The following RNF130 variants were observed in gnomAD, a reference collection of about 807,000 sequenced individuals.
The protein encoded by RNF130 is ring finger protein 130.
RNF130 carries 21 observed loss-of-function variants against 44.6 expected under a neutral mutation model. The observed-to-expected ratio is 0.47, with a 90% CI of 0.33 to 0.68. The LOEUF (loss-of-function observed/expected upper bound fraction) is 0.68, where lower values mean the gene tolerates loss of function less well. Among genes scored for constraint, RNF130 ranks in the 30% least tolerant of loss-of-function variants. RNF130 has a pLI of 0.02. For missense variants in RNF130, 479 were observed against 560.6 expected, an observed-to-expected ratio of 0.85 and a Z score of 1.47; for synonymous variants, 214 against 210.4, an observed-to-expected ratio of 1.02 and a Z score of -0.15.
chr5:180,010,751 G>A (rs980606779), intron 3 of RNF130, among the ~76,000 whole-genome samples: 5 of 152,180 alleles, frequency 3.3e-5, no homozygotes, highest in African/African-American at 1.2e-4. Context: ...GAAGGAGGGA[G>A]GTGGCTGTGG....
chr5:179,978,050 C>T (rs1392921710), intron 5 of RNF130, among the ~76,000 whole-genome samples, 153 bp downstream of exon 5: 3 of 152,240 alleles, frequency 2.0e-5, no homozygotes, highest in Admixed American at 6.5e-5. Flanking sequence ...CCCTGCTGGC[C>T]TCAGCCCCAT....
At chr5:180,051,413 C>A (rs1764686252) in intron 1 of RNF130, among the ~76,000 whole-genome samples, 1 of 151,914 alleles carries the variant, frequency 6.6e-6, no homozygotes, top group African/African-American at 2.4e-5. Context: ...TCACACCTGG[C>A]TAATTTTTTG....
intron 7 of RNF130, chr5:179,963,842 G>A (rs1024940195): frequency 2.0e-5 from 8 of 398,624 alleles, no homozygotes; most frequent in African/African-American, 1.4e-4. Context: ...CAAAAAGTGT[G>A]CGGTGAAAAT....
intron 5 of RNF130, among the ~76,000 whole-genome samples, chr5:179,971,126 T>C (rs774890039): frequency 2.6e-5 from 4 of 152,098 alleles, no homozygotes; most frequent in Non-Finnish European, 5.9e-5. Context: ...TTCAGGCAAG[T>C]AGAAAGTCAC....
intron 1 of RNF130, among the ~76,000 whole-genome samples, chr5:180,056,891 G>A (rs1293013286): frequency 6.6e-6 from 1 of 152,140 alleles, no homozygotes; most frequent in East Asian, 1.9e-4. Flanking sequence ...CTAACATGAT[G>A]TGAGCAAAAG....
At chr5:180,070,503 T>G (rs1180501222) in intron 1 of RNF130, among the ~76,000 whole-genome samples, 1 of 152,190 alleles carries the variant, frequency 6.6e-6, no homozygotes, top group Non-Finnish European at 1.5e-5. Context: ...AAGCAAATCA[T>G]GACTTTATTT....
chr5:180,059,995 G>A (rs769844194), intron 1 of RNF130, among the ~76,000 whole-genome samples: 2 of 152,188 alleles, frequency 1.3e-5, no homozygotes, highest in Non-Finnish European at 2.9e-5. Context: ...TGGGCCCAAT[G>A]TAATCACAAG....
At chr5:179,984,728 A>G (rs1762916338) in intron 3 of RNF130, among the ~76,000 whole-genome samples, 1 of 152,156 alleles carries the variant, frequency 6.6e-6, no homozygotes, top group Non-Finnish European at 1.5e-5. Context: ...TAGTTTTGGT[A>G]TTAGGAATGA....
intron 2 of RNF130, among the ~76,000 whole-genome samples, chr5:180,037,502 C>G (rs979345040): frequency 1.3e-5 from 2 of 152,190 alleles, no homozygotes; most frequent in Non-Finnish European, 2.9e-5. Flanking sequence ...AGTGGAAAAC[C>G]TGGGACTAAA....
Position 180,040,566 on chromosome 5 carries a change from C to T in RNF130, c.329G>A (p.Arg110Lys). 3 of 1,614,200 alleles carry T rather than the reference C, an allele frequency of 1.9e-6. No homozygotes were observed. The highest frequency in any genetic ancestry group is 2.5e-6 in the Non-Finnish European group (3 of 1,180,024). ...TTTCTCTTTAAACGTGCAGTTTCCC[C>T]TCTGCAGCAAGGCAATCCACTGTTT... The part of the protein sequence containing the change: ...NIKQWIALLQ[R>K]GNCTFKEKIS... Residue 110 changes from arginine (R) to lysine (K), a missense_variant, in exon 2 of 9, where the codon AGG becomes AAG. Physicochemically the swap from Arg to Lys is conservative, Grantham distance 26 (BLOSUM62 2). This residue lies in a region of RNF130 where 180 missense variants were observed against 275.1 expected (regional missense o/e 0.65). Transcript: ENST00000521389.
At position 180,019,912 on chromosome 5, in the gene RNF130, G is replaced by A. The variant is rs1428586963; in HGVS notation, c.443-6601C>T. On this transcript the variant is annotated intron_variant, in intron 2 of 8. Transcript: ENST00000521389. The stretch of plus-strand genomic sequence containing the variant: ...GAGTCACGGAACGGTGAACACTCTC[G>A]GACCCAGTGAAACTGTTGGGCAAAG... 7.9e-5 allele frequency among the ~76,000 whole-genome samples: 12 copies of A among 152,156 alleles called. 1 individual carries two copies. The South Asian group carries it at 2.1e-3, about 26-fold the overall frequency.
chr5:179,924,494 G>GAAA (rs35214110), intron 7 of RNF130, among the ~76,000 whole-genome samples: 1 of 132,016 alleles, frequency 7.6e-6, no homozygotes, highest in African/African-American at 2.7e-5. Context: ...AACTCTGTCT[G>GAAA]AAAAAAAAAA....
intron 7 of RNF130, among the ~76,000 whole-genome samples, chr5:179,924,556 G>C (rs1369377805): frequency 1.3e-5 from 2 of 151,548 alleles, no homozygotes; most frequent in African/African-American, 4.9e-5. Flanking sequence ...CCAGCACTTT[G>C]GGAGGCCGAG....
chr5:180,067,919 T>C (rs550662841), intron 1 of RNF130, among the ~76,000 whole-genome samples: 41 of 152,346 alleles, frequency 2.7e-4, no homozygotes, highest in South Asian at 6.2e-4. Flanking sequence ...AAAGGAACCA[T>C]TAAAGGCTTC....
downstream of RNF130, chr5:179,954,943 A>G (rs898742443): frequency 6.6e-6 from 1 of 152,268 alleles, no homozygotes; most frequent in African/African-American, 2.4e-5. Flanking sequence ...AAAGTATTTC[A>G]CCGGCACATG....
chr5:180,024,565 C>A (rs1351149656), intron 2 of RNF130, among the ~76,000 whole-genome samples: 2 of 151,876 alleles, frequency 1.3e-5, no homozygotes, highest in Non-Finnish European at 2.9e-5. Context: ...TCTGTCAACA[C>A]AAAAATTTAT....
chr5:180,017,594 T>C (rs1763770955), intron 2 of RNF130, among the ~76,000 whole-genome samples: 1 of 152,218 alleles, frequency 6.6e-6, no homozygotes, highest in Non-Finnish European at 1.5e-5. Flanking sequence ...ATCAAAGGCA[T>C]TAACAACACT....
downstream of RNF130, among the ~76,000 whole-genome samples, chr5:179,952,715 T>C (rs1045318743): frequency 6.6e-6 from 1 of 152,210 alleles, no homozygotes; most frequent in African/African-American, 2.4e-5. Flanking sequence ...ACCACATTCA[T>C]AGGATAGAAT....
intron 3 of RNF130, among the ~76,000 whole-genome samples, chr5:180,011,481 C>T (rs1304275875): frequency 1.3e-5 from 2 of 152,126 alleles, no homozygotes; most frequent in African/African-American, 4.8e-5. Flanking sequence ...GGTATATATA[C>T]AAAGGTTGAG....
Sources: gnomAD v4.1 joint callset for allele counts (sites outside exome capture counted in the v4.1 genomes callset) on GRCh38, gnomAD v4.1.1 for gene constraint, gnomAD v4.1.1 regional missense constraint, MANE v1.5 for transcripts, NCBI Gene and HGNC (gene_info 2026-07-23, HGNC 2026-07-21) for gene names.